The following PCDHA11 variants were observed in gnomAD, a reference collection of about 807,000 sequenced individuals.
The protein encoded by PCDHA11 is protocadherin alpha 11.
In PCDHA11, 61 loss-of-function variants were observed where a neutral mutation model predicts 70.3. The ratio of observed to expected loss-of-function variants is 0.87; its 90% CI spans 0.71 to 1.07. The LOEUF is 1.07. Ranked by LOEUF, PCDHA11 falls within the 50% of genes least tolerant of loss-of-function variation. The pLI is 0.00. For synonymous variants in PCDHA11, 633 were observed against 555.1 expected, an observed-to-expected ratio of 1.14 and a Z score of -1.97; for missense variants, 1,324 against 1,237.5, an observed-to-expected ratio of 1.07 and a Z score of -1.05.
chr5:140,955,796 A>G (rs1432865248), intron 1 of PCDHA11, among the ~76,000 whole-genome samples: 3 of 152,004 alleles, frequency 2.0e-5, no homozygotes, highest in Non-Finnish European at 4.4e-5. Context: ...ATGTTTTTCT[A>G]TTTGTTTGTG....
chr5:141,006,343 C>T (rs1036137270), intron 3 of PCDHA11, among the ~76,000 whole-genome samples: 41 of 152,038 alleles, frequency 2.7e-4, no homozygotes, highest in African/African-American at 8.9e-4. Context: ...TCCTGAGTAG[C>T]TGGGACTATA....
At position 140,967,080 on chromosome 5, in the gene PCDHA11, T is replaced by C. The variant is rs781942171; in HGVS notation, c.2392-11869T>C. On this transcript the variant is annotated intron_variant, in intron 1 of 3. Transcript: ENST00000398640. The stretch of plus-strand genomic sequence containing the variant: ...GGAGCGCTCTTCGTCAACGAGCGCA[T>C]TGATCGGGAGGCGCTGTGTGAGCAG... 168 of 1,613,222 alleles carry C rather than the reference T, an allele frequency of 1.0e-4. No homozygotes were observed. The highest frequency in any genetic ancestry group is 3.7e-4 in the Admixed American group (22 of 60,010).
intron 1 of PCDHA11, among the ~76,000 whole-genome samples, chr5:140,937,785 G>A (rs962276976): frequency 7.3e-5 from 11 of 150,436 alleles, no homozygotes; most frequent in Non-Finnish European, 1.3e-4. Flanking sequence ...GGTGGCGGGC[G>A]TATGTAGTCC....
In PCDHA11 at chr5:140,884,236, G is replaced by A. The variant is rs368136155; in HGVS notation, c.2391+12742G>A. ...TGGTGCTGGTGAAGGACCACGGTGAGCCCGCGCTGACGGCCACGGCAACGG... is the reference window on the plus strand; with the variant it reads ...TGGTGCTGGTGAAGGACCACGGTGAACCCGCGCTGACGGCCACGGCAACGG... On this transcript the variant is annotated intron_variant, in intron 1 of 3. Transcript: ENST00000398640. 11 of 1,613,334 alleles carry A rather than the reference G, an allele frequency of 6.8e-6. No homozygotes were observed. The African/African-American group carries it at 1.2e-4, about 18-fold the overall frequency.
chr5:141,002,095 C>G (rs1341792848), intron 3 of PCDHA11, among the ~76,000 whole-genome samples: 1 of 152,234 alleles, frequency 6.6e-6, no homozygotes, highest in Non-Finnish European at 1.5e-5. Flanking sequence ...AGTCCAGGGG[C>G]TGGGCCGGAA....
chr5:140,977,364 A>G (rs967972541), intron 1 of PCDHA11, among the ~76,000 whole-genome samples: 2 of 152,206 alleles, frequency 1.3e-5, no homozygotes, highest in African/African-American at 4.8e-5. Flanking sequence ...GATAAAAAGT[A>G]TTTTAGTCAT....
In PCDHA11 at chr5:140,870,941, C is replaced by A; in HGVS notation, c.1838C>A (p.Ala613Glu). The stretch of plus-strand genomic sequence containing the variant: ...TGGCTTTCATATGAATTGCAGCCGG[C>A]GGCGGGCGGCTCGCGCATCCCGTTC... ...NAWLSYELQP[A>E]AGGSRIPFRV... The change falls in exon 1 of 4, where the codon GCG becomes GAG. Residue 613 changes from alanine (A) to glutamate (E), a missense_variant. Ala to Glu is a moderately radical substitution (Grantham distance 107). Coordinates refer to ENST00000398640, the MANE Select transcript of PCDHA11 (RefSeq NM_018902.5). 6.2e-7 allele frequency: 1 copy of A among 1,613,712 alleles called. No homozygotes were observed. The highest frequency in any genetic ancestry group is 8.5e-7 in the Non-Finnish European group (1 of 1,179,894).
intron 3 of PCDHA11, among the ~76,000 whole-genome samples, chr5:140,986,890 G>A (rs965456573): frequency 6.6e-6 from 1 of 152,124 alleles, no homozygotes; most frequent in Non-Finnish European, 1.5e-5. Flanking sequence ...CAAATTCTTA[G>A]GCCCTATCCT....
chr5:140,998,423 T>C (rs1248330149), intron 3 of PCDHA11, among the ~76,000 whole-genome samples: 1 of 152,248 alleles, frequency 6.6e-6, no homozygotes, highest in African/African-American at 2.4e-5. Context: ...ACCTGGTTTA[T>C]CCTTTAACAC....
At chr5:140,980,448 G>A (rs1333028932) in intron 2 of PCDHA11, among the ~76,000 whole-genome samples, 7 of 152,122 alleles carry the variant, frequency 4.6e-5, no homozygotes, top group African/African-American at 9.7e-5. Flanking sequence ...TGGACAACAC[G>A]GTGAAACCCT....
chr5:140,891,861 T>C (rs1346164388), intron 1 of PCDHA11, among the ~76,000 whole-genome samples: 1 of 152,174 alleles, frequency 6.6e-6, no homozygotes, highest in Non-Finnish European at 1.5e-5. Context: ...GTCCCTCTCT[T>C]ATGCTTTTGG....
intron 3 of PCDHA11, among the ~76,000 whole-genome samples, chr5:140,999,619 G>A (rs2097865766): frequency 6.6e-6 from 1 of 152,146 alleles, no homozygotes; most frequent in Non-Finnish European, 1.5e-5. Flanking sequence ...TTATCAACCA[G>A]GAAACAAGGT....
At chr5:140,884,175 C>T in intron 1 of PCDHA11, 1 of 1,613,438 alleles carries the variant, frequency 6.2e-7, no homozygotes, top group Non-Finnish European at 8.5e-7. Context: ...ACGACGCGCC[C>T]TCTGGACGAG....
At chr5:140,998,049 ACAT>A (rs782468760) in intron 3 of PCDHA11, among the ~76,000 whole-genome samples, 4 of 152,194 alleles carry the variant, frequency 2.6e-5, no homozygotes, top group Admixed American at 6.5e-5. Flanking sequence ...TAACTCAGTG[ACAT>A]CATCATCAAC....
intron 3 of PCDHA11, among the ~76,000 whole-genome samples, chr5:140,992,421 A>C (rs1412648457): frequency 6.6e-6 from 1 of 152,164 alleles, no homozygotes; most frequent in African/African-American, 2.4e-5. Flanking sequence ...CAGGTCTAAG[A>C]ATATTGTTCC....
At chr5:140,962,781 T>A (rs1466674099) in intron 1 of PCDHA11, among the ~76,000 whole-genome samples, 1 of 152,228 alleles carries the variant, frequency 6.6e-6, no homozygotes, top group African/African-American at 2.4e-5. Context: ...ATGGAATTTT[T>A]AAAAACTACT....
At chr5:140,967,758 A>G (rs781815948) in intron 1 of PCDHA11, 8 of 1,614,162 alleles carry the variant, frequency 5.0e-6, no homozygotes, top group Non-Finnish European at 5.9e-6. Context: ...GCCTCCTCCT[A>G]CCAGATCTAT....
chr5:140,925,088 A>G (rs536355365), intron 1 of PCDHA11, among the ~76,000 whole-genome samples: 11 of 151,436 alleles, frequency 7.3e-5, no homozygotes, highest in African/African-American at 2.7e-4. Context: ...CTGGAAAGGA[A>G]GGAAGGAAGG....
intron 1 of PCDHA11, among the ~76,000 whole-genome samples, chr5:140,888,287 C>G (rs1371852276): frequency 6.6e-6 from 1 of 152,072 alleles, no homozygotes; most frequent in African/African-American, 2.4e-5. Flanking sequence ...CCCCTCTACC[C>G]CCTACCCAGG....
Sources: gnomAD v4.1 joint callset for allele counts (sites outside exome capture counted in the v4.1 genomes callset) on GRCh38, gnomAD v4.1.1 for gene constraint, MANE v1.5 for transcripts, NCBI Gene and HGNC (gene_info 2026-07-23, HGNC 2026-07-21) for gene names.